The following KBTBD3 variants were observed in gnomAD, a reference collection of about 807,000 sequenced individuals.
KBTBD3 encodes the protein kelch repeat and BTB domain-containing protein 3.
Under a neutral mutation model 49.6 loss-of-function variants are expected in KBTBD3, and 38 were observed. That is an observed-to-expected ratio of 0.77 (90% CI 0.59 to 1.00). The LOEUF (loss-of-function observed/expected upper bound fraction) is 1.00. Among genes scored for constraint, KBTBD3 ranks in the 50% least tolerant of loss-of-function variants. The pLI, the probability that KBTBD3 is intolerant of heterozygous loss-of-function variation, is 0.00. For synonymous variants in KBTBD3, 214 were observed against 250.4 expected (o/e 0.85, Z 1.37); for missense variants, 661 against 712.0 (o/e 0.93, Z 0.81).
chr11:106,074,636 C>T (rs149125419), intron 2 of KBTBD3, among the ~76,000 whole-genome samples: 1 of 152,274 alleles, frequency 6.6e-6, no homozygotes, highest in East Asian at 1.9e-4. Flanking sequence ...GCTCTGAAAG[C>T]AAGTTGTGCT....
chr11:106,068,639 C>A (rs995344166), intron 2 of KBTBD3, among the ~76,000 whole-genome samples: 6 of 152,056 alleles, frequency 3.9e-5, no homozygotes, highest in Admixed American at 3.9e-4. Flanking sequence ...CAGTTCTACA[C>A]AACTTCTTCA....
chr11:106,069,257 A>C (rs1466606560), intron 2 of KBTBD3, among the ~76,000 whole-genome samples: 1 of 152,116 alleles, frequency 6.6e-6, no homozygotes, highest in Non-Finnish European at 1.5e-5. Context: ...CTAAAACAAG[A>C]AAATTCAATA....
Position 106,053,294 on chromosome 11 carries a change from A to G in KBTBD3, c.1395T>C (p.Ile465=), listed in dbSNP as rs1211649455. The G allele has an allele frequency of 7.4e-6, 12 of 1,613,500 alleles. No individual in the cohort carries two copies. Residue 465 remains isoleucine, a synonymous_variant, in exon 4 of 4, where the codon ATT becomes ATC. Transcript: ENST00000531837. ...CAAGTGATGGGTTAAAAGCATCTGTAATCTCTACCTCTGATCCAAGAACAT... is the reference window on the plus strand; with the variant it reads ...CAAGTGATGGGTTAAAAGCATCTGTGATCTCTACCTCTGATCCAAGAACAT... The part of the protein sequence containing the change: ...VIYVLGSEVE[I]TDAFNPSLDC...
intron 2 of KBTBD3, among the ~76,000 whole-genome samples, chr11:106,069,423 G>A (rs557542129): frequency 8.3e-4 from 126 of 151,136 alleles, no homozygotes; most frequent in African/African-American, 2.9e-3. Flanking sequence ...AGCATCACAC[G>A]AAAATCAATC....
chr11:106,058,861 G>C lies in KBTBD3; in HGVS notation c.233+4C>G, dbSNP rs765038720. On this transcript the variant is annotated splice_donor_region_variant and intron_variant, in intron 3 of 3. Transcript: ENST00000531837. The stretch of plus-strand genomic sequence containing the variant: ...AAATCTGAGGCATAGACAAGGTAAA[G>C]TACCTGAAAAAGTCACTGCATGCTG... The C allele has an allele frequency of 6.6e-7, 1 of 1,523,318 alleles. No homozygotes were observed. Among genetic ancestry groups the C allele is most frequent in the Non-Finnish European group, 8.9e-7 (1 of 1,121,012 alleles). 94.4% of individuals were successfully genotyped at this position (1,523,318 alleles called of 1,614,324 possible).
intron 2 of KBTBD3, chr11:106,076,037 A>G (rs1297320893): frequency 6.6e-6 from 1 of 152,250 alleles, no homozygotes; most frequent in Non-Finnish European, 1.5e-5. Context: ...AGTGTTTTGG[A>G]AACAGAAACG....
chr11:106,052,988 A>C lies in KBTBD3; in HGVS notation c.1701T>G (p.Asp567Glu). The C allele has an allele frequency of 6.2e-7, 1 of 1,613,776 alleles. No individual in the cohort carries two copies. Among genetic ancestry groups the C allele is most frequent in the Non-Finnish European group, 8.5e-7 (1 of 1,179,792 alleles). Residue 567 changes from aspartate (D) to glutamate (E), a missense_variant, in exon 4 of 4, where the codon GAT becomes GAG. Physicochemically the swap from Asp to Glu is conservative, Grantham distance 45 (BLOSUM62 2). Coordinates refer to ENST00000531837, the MANE Select transcript of KBTBD3 (RefSeq NM_198439.3). Reference sequence around the variant, plus strand: ...TGTTGCTGTGGTAGACCTGCACTTCATCTGTGATTTCATCTGGTGCATAAT... The same window carrying C: ...TGTTGCTGTGGTAGACCTGCACTTCCTCTGTGATTTCATCTGGTGCATAAT... The part of the protein sequence containing the change: ...GGDYAPDEIT[D>E]EVQVYHSNRS...
chr11:106,059,248 T>C, intron 2 of KBTBD3, 139 bp from the exon 3 acceptor site: 1 of 558,928 alleles, frequency 1.8e-6, no homozygotes, highest in Non-Finnish European at 3.1e-6. Context: ...TTTAAACATT[T>C]GTTTTCCTGA....
At chr11:106,077,000 G>A (rs1185212340) in intron 1 of KBTBD3, among the ~76,000 whole-genome samples, 1 of 152,198 alleles carries the variant, frequency 6.6e-6, no homozygotes, top group Non-Finnish European at 1.5e-5. Flanking sequence ...TGGGGATAGT[G>A]CCTCTGCTCG....
chr11:106,058,846 C>T lies in KBTBD3; in HGVS notation c.233+19G>A. On this transcript the variant is annotated intron_variant, in intron 3 of 3. Transcript: ENST00000531837. ...ATTATCCAAATCATAAAATCTGAGG[C>T]ATAGACAAGGTAAAGTACCTGAAAA... The T allele has an allele frequency of 7.2e-7, 1 of 1,382,208 alleles. No homozygotes were observed. Among genetic ancestry groups the T allele is most frequent in the South Asian group, 1.3e-5 (1 of 77,338 alleles). The allele number at this position is 1,382,208 out of a possible 1,614,324, so 85.6% of individuals were successfully genotyped here.
At chr11:106,072,174 T>G (rs1356658526) in intron 2 of KBTBD3, among the ~76,000 whole-genome samples, 1 of 152,174 alleles carries the variant, frequency 6.6e-6, no homozygotes, top group Non-Finnish European at 1.5e-5. Flanking sequence ...TAATGGACAT[T>G]GATTTAAGAA....
rs955987666 is a variant in KBTBD3, at chr11:106,053,138, G to A, written c.1551C>T (p.Ser517=). 1.9e-6 allele frequency: 3 copies of A among 1,613,456 alleles called. No homozygotes were observed. The African/African-American group carries it at 4.0e-5, about 22-fold the overall frequency. Residue 517 remains serine, a synonymous_variant, in exon 4 of 4, where the codon TCC becomes TCT. Transcript: ENST00000531837. The part of the protein sequence containing the change: ...VNCTLYICDL[S]TYKVYSFCPD... ...GACAAAAACTATAAACCTTATAGGT[G>A]GAAAGGTCACATATATACAGTGTAC...
chr11:106,053,128 C>T lies in KBTBD3; in HGVS notation c.1561G>A (p.Val521Ile). The change falls in exon 4 of 4, where the codon GTT becomes ATT. Residue 521 changes from valine (V) to isoleucine (I), a missense_variant. Val to Ile is a conservative substitution (Grantham distance 29). Coordinates refer to ENST00000531837, the MANE Select transcript of KBTBD3 (RefSeq NM_198439.3). ...CAAGTGTCTGGACAAAAACTATAAA[C>T]CTTATAGGTGGAAAGGTCACATATA... ...LYICDLSTYKVYSFCPDTCVW... is the reference protein window; with the variant it reads ...LYICDLSTYKIYSFCPDTCVW... 22 of 1,613,636 alleles carry T rather than the reference C, an allele frequency of 1.4e-5. No individual in the cohort carries two copies. The highest frequency in any genetic ancestry group is 2.2e-5 in the East Asian group (1 of 44,862).
intron 3 of KBTBD3, among the ~76,000 whole-genome samples, chr11:106,056,083 G>A (rs1021863961): frequency 5.3e-5 from 8 of 151,902 alleles, no homozygotes; most frequent in African/African-American, 1.7e-4. Context: ...ACTGTAAGAG[G>A]GATATTTTCA....
At chr11:106,070,147 C>T (rs906746742) in intron 2 of KBTBD3, among the ~76,000 whole-genome samples, 1 of 151,862 alleles carries the variant, frequency 6.6e-6, no homozygotes, top group Non-Finnish European at 1.5e-5. Context: ...AAATATAAAA[C>T]TTTTAGAGGC....
At chr11:106,064,194 G>A (rs1433789524) in intron 2 of KBTBD3, among the ~76,000 whole-genome samples, 1 of 152,004 alleles carries the variant, frequency 6.6e-6, no homozygotes, top group Non-Finnish European at 1.5e-5. Context: ...ATAAAGAATT[G>A]GTGGGAGATT....
chr11:106,055,469 T>C (rs928459697), intron 3 of KBTBD3, among the ~76,000 whole-genome samples: 13 of 152,128 alleles, frequency 8.5e-5, no homozygotes, highest in African/African-American at 3.1e-4. Flanking sequence ...AACTGAAAAA[T>C]ATGAGGGGAC....
intron 2 of KBTBD3, among the ~76,000 whole-genome samples, chr11:106,063,824 G>A (rs557415977): frequency 3.3e-5 from 5 of 152,196 alleles, no homozygotes; most frequent in African/African-American, 4.8e-5. Context: ...CCAGCTACTC[G>A]GGAGGCTAAG....
At chr11:106,073,026 G>A (rs1378050134) in intron 2 of KBTBD3, among the ~76,000 whole-genome samples, 6 of 152,160 alleles carry the variant, frequency 3.9e-5, no homozygotes, top group Admixed American at 2.6e-4. Flanking sequence ...TTCAATTTCA[G>A]ACAATAACAA....
Sources: gnomAD v4.1 joint callset for allele counts (sites outside exome capture counted in the v4.1 genomes callset) on GRCh38, gnomAD v4.1.1 for gene constraint, MANE v1.5 for transcripts, NCBI Gene and HGNC (gene_info 2026-07-23, HGNC 2026-07-21) for gene names.